The following KCNQ1 variants were observed in gnomAD, a reference collection of about 807,000 sequenced individuals.
The protein encoded by KCNQ1 is potassium voltage-gated channel subfamily KQT member 1.
Under a neutral mutation model 72.4 loss-of-function variants are expected in KCNQ1, and 49 were observed. The observed-to-expected ratio is 0.68, with a 90% confidence interval of 0.54 to 0.86. KCNQ1 has a LOEUF of 0.86. Ranked by LOEUF, KCNQ1 falls within the 40% of genes least tolerant of loss-of-function variation. The probability of loss-of-function intolerance (pLI) is 0.00; values close to 1 mark genes in which losing one functional copy is unlikely to be tolerated. For synonymous variants in KCNQ1, 450 were observed against 412.6 expected (o/e 1.09, Z -1.10); for missense variants, 790 against 945.1 (o/e 0.84, Z 2.15).
At chr11:2,694,914 G>T in intron 11 of KCNQ1, 1 of 398,706 alleles carries the variant, frequency 2.5e-6, no homozygotes, top group South Asian at 1.3e-4. Flanking sequence ...GAAAAGACAA[G>T]CCAGGCAGAG....
chr11:2,806,754 C>A (rs761080034), intron 15 of KCNQ1, among the ~76,000 whole-genome samples: 6 of 152,232 alleles, frequency 3.9e-5, no homozygotes, highest in Non-Finnish European at 7.3e-5. Flanking sequence ...GCTCAGGTTT[C>A]CCTTGAGGGT....
chr11:2,567,542 G>A lies in KCNQ1; in HGVS notation c.478-3086G>A, dbSNP rs1848264654. Reference sequence around the variant, plus strand: ...GCCCAGGAGAGCGTTTGAGGCTGATGGTGGTGGAGATAGTTTTATCTCTGA... The same window carrying A: ...GCCCAGGAGAGCGTTTGAGGCTGATAGTGGTGGAGATAGTTTTATCTCTGA... On this transcript the variant is annotated intron_variant, in intron 2 of 15. Transcript: ENST00000155840. The surrounding 1 kb of genome is among the most constrained non-coding windows in gnomAD (Gnocchi z 6.6). 6.6e-6 allele frequency among the ~76,000 whole-genome samples: 1 copy of A among 152,198 alleles called. No individual in the cohort carries two copies. Among genetic ancestry groups the A allele is most frequent in the South Asian group, 2.1e-4 (1 of 4,830 alleles).
intron 10 of KCNQ1, chr11:2,656,913 T>C (rs1849860705): frequency 2.5e-6 from 1 of 398,504 alleles, no homozygotes; most frequent in South Asian, 1.3e-4. Context: ...GTGAGGTAAT[T>C]AAGGGTCCAA....
At position 2,848,614 on chromosome 11, in the gene KCNQ1, T is replaced by C. The variant is rs1307913161; in HGVS notation, c.*611T>C. 2.2e-6 allele frequency: 1 copy of C among 453,152 alleles called. No homozygotes were observed. Among genetic ancestry groups the C allele is most frequent in the Non-Finnish European group, 4.4e-6 (1 of 226,022 alleles). The allele number at this position is 453,152 out of a possible 1,614,324, so 28.1% of individuals were successfully genotyped here. A position where few individuals can be genotyped will look rare whatever the true frequency, so the allele number is the denominator to read the frequency against. On this transcript the variant is annotated 3_prime_UTR_variant, in exon 16 of 16. Coordinates refer to ENST00000155840, the MANE Select transcript of KCNQ1 (RefSeq NM_000218.3). ...CCCCAGCTTCCAGCAGGAGGGACAG[T>C]CTCACCATTTCCCCAGGGCACGTGG...
chr11:2,572,441 C>A (rs919614056), intron 5 of KCNQ1, among the ~76,000 whole-genome samples: 5 of 152,224 alleles, frequency 3.3e-5, no homozygotes, highest in African/African-American at 9.6e-5. Flanking sequence ...GGCCACCAGA[C>A]TCCCTCCCGA....
chr11:2,683,790 A>G lies in KCNQ1; in HGVS notation c.1514+21709A>G, dbSNP rs1850439071. On this transcript the variant is annotated intron_variant, in intron 11 of 15. Coordinates refer to ENST00000155840, the MANE Select transcript of KCNQ1 (RefSeq NM_000218.3). This position sits in a 1 kb window ranked among gnomAD's most constrained non-coding sequence, Gnocchi z 4.7. ...CTCTAAGGCTGGCTGCTCTTACTCTATACCCCAAAATCCCAGCCACTAGCT... is the reference window on the plus strand; with the variant it reads ...CTCTAAGGCTGGCTGCTCTTACTCTGTACCCCAAAATCCCAGCCACTAGCT... 1 of 398,392 alleles carries G rather than the reference A, an allele frequency of 2.5e-6. No individual in the cohort carries two copies. The highest frequency in any genetic ancestry group is 2.1e-5 in the African/African-American group (1 of 48,570). 24.7% of individuals were successfully genotyped at this position (398,392 alleles called of 1,614,324 possible). A position where few individuals can be genotyped will look rare whatever the true frequency, so the allele number is the denominator to read the frequency against.
In KCNQ1 at chr11:2,777,475, T is replaced by G. The variant is rs1457763062; in HGVS notation, c.1732+443T>G. On this transcript the variant is annotated intron_variant, in intron 14 of 15. Transcript: ENST00000155840. ...CCTGGGGGCTGGTTTTCTGGCTCCT[T>G]GACCAAATTCCTTGGGTCCCCTGGA... 4 of 537,616 alleles carry G rather than the reference T, an allele frequency of 7.4e-6. No individual in the cohort carries two copies. The African/African-American group carries it at 7.5e-5, about 10-fold the overall frequency. 33.3% of individuals were successfully genotyped at this position (537,616 alleles called of 1,614,324 possible). A position where few individuals can be genotyped will look rare whatever the true frequency, so the allele number is the denominator to read the frequency against.
Position 2,447,245 on chromosome 11 carries a change from C to T in KCNQ1, c.386+1761C>T, listed in dbSNP as rs565111631. 7.2e-5 allele frequency among the ~76,000 whole-genome samples: 11 copies of T among 152,270 alleles called. No individual in the cohort carries two copies. The highest frequency in any genetic ancestry group is 5.2e-4 in the Admixed American group (8 of 15,302). ...AGTTTGCTCAGCAAGAGTCTACCTT[C>T]GCCCAGCCTCCGCAGAGCTGGCAAG... is the stretch of plus-strand genomic sequence containing the variant. On this transcript the variant is annotated intron_variant, in intron 1 of 15. Transcript: ENST00000155840. This position sits in a 1 kb window ranked among gnomAD's most constrained non-coding sequence, Gnocchi z 7.6.
intron 11 of KCNQ1, chr11:2,681,745 A>G: frequency 2.5e-6 from 1 of 398,194 alleles, no homozygotes; most frequent in Non-Finnish European, 4.4e-6. Context: ...CTGATCACAC[A>G]CCAGGGCACT....
intron 15 of KCNQ1, among the ~76,000 whole-genome samples, chr11:2,836,926 AG>A (rs1210662586): frequency 2.6e-5 from 4 of 152,326 alleles, no homozygotes; most frequent in African/African-American, 9.6e-5. Context: ...ACGTCTTCAT[AG>A]GGTACTTATA....
intron 11 of KCNQ1, chr11:2,680,471 A>AT (rs916520404): frequency 1.0e-4 from 41 of 397,666 alleles, no homozygotes; most frequent in African/African-American, 6.0e-4. Context: ...AGGACTACTG[A>AT]TTTTTTTTTA....
At chr11:2,753,379 G>C (rs1846255661) in intron 11 of KCNQ1, among the ~76,000 whole-genome samples, 1 of 152,184 alleles carries the variant, frequency 6.6e-6, no homozygotes, top group South Asian at 2.1e-4. Flanking sequence ...GCTGTCCTGA[G>C]GGTTCCTGCC....
At chr11:2,587,148 C>A (rs948556758) in intron 8 of KCNQ1, among the ~76,000 whole-genome samples, 1 of 152,212 alleles carries the variant, frequency 6.6e-6, no homozygotes, top group African/African-American at 2.4e-5. Flanking sequence ...CTGGGCGACC[C>A]CTCTTTCTCA....
At chr11:2,501,611 T>C (rs1224745738) in intron 1 of KCNQ1, among the ~76,000 whole-genome samples, 1 of 149,038 alleles carries the variant, frequency 6.7e-6, no homozygotes, top group Non-Finnish European at 1.5e-5. Context: ...CAAGAACTAA[T>C]ACTAATCCTT....
chr11:2,732,363 A>T, intron 11 of KCNQ1, among the ~76,000 whole-genome samples: 1 of 152,172 alleles, frequency 6.6e-6, no homozygotes, highest in Admixed American at 6.5e-5. Flanking sequence ...CCACTCCCTC[A>T]GGGTGCTGAG....
In KCNQ1 at chr11:2,816,128, C is replaced by T. The variant is rs1847609493; in HGVS notation, c.1795-31639C>T. ...GTAGCCAGGGGCAAGACCTCACACGCCTCTGCCCATCCTGGGAAACTCACC... is the reference window on the plus strand; with the variant it reads ...GTAGCCAGGGGCAAGACCTCACACGTCTCTGCCCATCCTGGGAAACTCACC... On this transcript the variant is annotated intron_variant, in intron 15 of 15. Transcript: ENST00000155840. This position sits in a 1 kb window ranked among gnomAD's most constrained non-coding sequence, Gnocchi z 6.8. Among the ~76,000 whole-genome samples, 1 of 152,204 alleles carries T rather than the reference C, an allele frequency of 6.6e-6. No individual in the cohort carries two copies.
intron 7 of KCNQ1, among the ~76,000 whole-genome samples, chr11:2,584,704 A>C (rs920117630): frequency 9.9e-5 from 15 of 151,096 alleles, no homozygotes; most frequent in Admixed American, 3.3e-4. Context: ...TGTGTGTGTT[A>C]GTGTGCATAT....
intron 13 of KCNQ1, 57 bp downstream of exon 13, chr11:2,776,111 C>T (rs1590081561): frequency 4.9e-6 from 7 of 1,420,722 alleles, no homozygotes; most frequent in South Asian, 3.7e-5. Flanking sequence ...AGCCCGGCCC[C>T]AGCTGCATGA....
chr11:2,540,352 G>T (rs1444571935), intron 2 of KCNQ1, among the ~76,000 whole-genome samples: 1 of 152,264 alleles, frequency 6.6e-6, no homozygotes, highest in East Asian at 1.9e-4. Flanking sequence ...TGACTTTGCA[G>T]GTTGGGGGGA....
Sources: allele counts gnomAD v4.1 joint callset (sites outside exome capture counted in the v4.1 genomes callset), GRCh38; gene constraint gnomAD v4.1.1; non-coding constraint Gnocchi (gnomAD v3.1); transcripts MANE v1.5; gene names NCBI Gene and HGNC (gene_info 2026-07-23, HGNC 2026-07-21).